Variants in AK5 observed in about 807,000 individuals in gnomAD.
AK5 encodes the protein adenylate kinase isoenzyme 5.
A neutral mutation model predicts 69.5 loss-of-function variants in AK5; 27 were observed. That is an observed-to-expected ratio of 0.39 (90% CI 0.29 to 0.54). The LOEUF is 0.54. Among genes scored for constraint, AK5 ranks in the 20% least tolerant of loss-of-function variants. The pLI, the probability that AK5 is intolerant of heterozygous loss-of-function variation, is 0.71. For synonymous variants in AK5, 260 were observed against 244.4 expected (o/e 1.06, Z -0.60); for missense variants, 531 against 700.4 (o/e 0.76, Z 2.73).
At chr1:77,290,612 A>G (rs1658633376) in intron 2 of AK5, among the ~76,000 whole-genome samples, 1 of 152,222 alleles carries the variant, frequency 6.6e-6, no homozygotes, top group Admixed American at 6.5e-5. Flanking sequence ...TTCTAATCCC[A>G]TAACCCCAAA....
chr1:77,463,328 A>G (rs551832638), intron 8 of AK5, among the ~76,000 whole-genome samples: 5 of 152,334 alleles, frequency 3.3e-5, no homozygotes, highest in African/African-American at 1.2e-4. Context: ...GTTTTTGTAC[A>G]TCTCACTTAA....
chr1:77,539,462 C>T (rs1274525509), intron 13 of AK5, among the ~76,000 whole-genome samples: 1 of 152,222 alleles, frequency 6.6e-6, no homozygotes, highest in Non-Finnish European at 1.5e-5. Context: ...GAGGCTGCTT[C>T]ATCCCACTGC....
chr1:77,519,061 A>G (rs1657833415), intron 11 of AK5, among the ~76,000 whole-genome samples: 2 of 152,192 alleles, frequency 1.3e-5, no homozygotes, highest in African/African-American at 4.8e-5. Context: ...AGAGCCTAGA[A>G]TTAGAAACCC....
intron 8 of AK5, among the ~76,000 whole-genome samples, chr1:77,443,888 C>T (rs1652496916): frequency 6.6e-6 from 1 of 151,566 alleles, no homozygotes; most frequent in South Asian, 2.1e-4. Context: ...TATAGTGGAA[C>T]AGATTGACAC....
chr1:77,435,869 A>G (rs1247505735), intron 8 of AK5, among the ~76,000 whole-genome samples: 1 of 152,216 alleles, frequency 6.6e-6, no homozygotes, highest in African/African-American at 2.4e-5. Context: ...AGAAAGATAT[A>G]CATAATTCCC....
chr1:77,329,162 T>C (rs1284619262), intron 5 of AK5, among the ~76,000 whole-genome samples: 1 of 112,656 alleles, frequency 8.9e-6, no homozygotes, highest in Non-Finnish European at 1.8e-5. Context: ...ACCACCAAAA[T>C]AAAGATTCAT....
At chr1:77,402,807 A>G (rs1207050410) in intron 6 of AK5, among the ~76,000 whole-genome samples, 1 of 152,088 alleles carries the variant, frequency 6.6e-6, no homozygotes, top group Non-Finnish European at 1.5e-5. Flanking sequence ...TTGTGTATAT[A>G]CCCAGTAATG....
Position 77,368,274 on chromosome 1 carries a change from T to TTATATGTTA in AK5, c.891+27711_891+27712insGTTATATAT, listed in dbSNP as rs1647050192. On this transcript the variant is annotated intron_variant, in intron 6 of 13. Coordinates refer to ENST00000354567, the MANE Select transcript of AK5 (RefSeq NM_174858.3). ...ATATAATATATATGTTATATATATG[T>TTATATGTTA]TATATATGTTATATATATGTTATAT... is the stretch of plus-strand genomic sequence containing the variant. Among the ~76,000 whole-genome samples the TTATATGTTA allele has an allele frequency of 1.0e-4, 6 of 58,360 alleles. 1 individual carries two copies. Among genetic ancestry groups the TTATATGTTA allele is most frequent in the African/African-American group, 2.7e-4 (6 of 21,946 alleles). 38.3% of individuals were successfully genotyped at this position (58,360 alleles called of 152,430 possible).
At chr1:77,427,350 A>G (rs1040301045) in intron 8 of AK5, among the ~76,000 whole-genome samples, 1 of 152,162 alleles carries the variant, frequency 6.6e-6, no homozygotes, top group Non-Finnish European at 1.5e-5. Flanking sequence ...TAAAGGGATA[A>G]TAAAGAAATA....
At chr1:77,310,448 C>G (rs1175662397) in intron 5 of AK5, among the ~76,000 whole-genome samples, 1 of 151,958 alleles carries the variant, frequency 6.6e-6, no homozygotes, top group East Asian at 1.9e-4. Context: ...GATGCGATCT[C>G]GGCTCACTGC....
intron 8 of AK5, among the ~76,000 whole-genome samples, chr1:77,479,196 CTTTTTTTTTTTT>C (rs67079216): frequency 2.8e-5 from 2 of 71,910 alleles, no homozygotes; most frequent in Non-Finnish European, 5.1e-5. Context: ...CTGAAATTGT[CTTTTTTTTTTTT>C]TTTTTTTTTT....
chr1:77,484,059 G>A (rs1274138708), intron 9 of AK5, among the ~76,000 whole-genome samples: 2 of 151,996 alleles, frequency 1.3e-5, no homozygotes, highest in Non-Finnish European at 2.9e-5. Context: ...CAGCTACTCA[G>A]GAGGCTGAGG....
chr1:77,367,599 A>AATATATATGTT (rs1646988388), intron 6 of AK5, among the ~76,000 whole-genome samples: 13 of 63,144 alleles, frequency 2.1e-4, no homozygotes, highest in African/African-American at 9.0e-4. Context: ...TTATATATGT[A>AATATATATGTT]ATATATATGT....
At chr1:77,401,179 A>G (rs891507169) in intron 6 of AK5, among the ~76,000 whole-genome samples, 3 of 152,208 alleles carry the variant, frequency 2.0e-5, no homozygotes, top group Admixed American at 1.3e-4. Flanking sequence ...ACTTCACTCC[A>G]GGAGCCATGA....
intron 13 of AK5, among the ~76,000 whole-genome samples, chr1:77,544,824 T>A (rs1037346488): frequency 6.6e-6 from 1 of 152,330 alleles, no homozygotes; most frequent in East Asian, 1.9e-4. Context: ...ATTGAAAGTA[T>A]AATATAGGAA....
chr1:77,390,574 GA>G (rs1008433927), intron 6 of AK5, among the ~76,000 whole-genome samples: 11 of 151,880 alleles, frequency 7.2e-5, no homozygotes, highest in African/African-American at 2.2e-4. Flanking sequence ...ATGAGTGAAT[GA>G]AAAAAAGGCA....
chr1:77,405,234 G>T (rs1004258444), intron 6 of AK5, among the ~76,000 whole-genome samples: 10 of 152,354 alleles, frequency 6.6e-5, no homozygotes, highest in African/African-American at 2.2e-4. Context: ...CCTTGAGGTG[G>T]ATATTATCAC....
At chr1:77,438,738 A>G (rs1416150464) in intron 8 of AK5, among the ~76,000 whole-genome samples, 1 of 152,222 alleles carries the variant, frequency 6.6e-6, no homozygotes, top group Non-Finnish European at 1.5e-5. Context: ...CAAACTAGGC[A>G]TGCAGACCAA....
At chr1:77,334,716 A>G (rs1010104919) in intron 5 of AK5, among the ~76,000 whole-genome samples, 1 of 152,140 alleles carries the variant, frequency 6.6e-6, no homozygotes, top group Non-Finnish European at 1.5e-5. Context: ...CCTTAACACA[A>G]TAAGAGTTTG....
Sources: allele counts gnomAD v4.1 joint callset (sites outside exome capture counted in the v4.1 genomes callset), GRCh38; gene constraint gnomAD v4.1.1; transcripts MANE v1.5; gene names NCBI Gene and HGNC (gene_info 2026-07-23, HGNC 2026-07-21).